NARS2: variants seen among roughly 807,000 people sequenced by gnomAD.
NARS2 encodes the protein asparaginyl-tRNA synthetase.
Under a neutral mutation model 62.9 loss-of-function variants are expected in NARS2, and 60 were observed. The ratio of observed to expected loss-of-function variants is 0.95; its 90% confidence interval spans 0.77 to 1.18. The LOEUF (loss-of-function observed/expected upper bound fraction) is 1.18, where lower values mean the gene tolerates loss of function less well. Ranked by LOEUF, NARS2 falls within the 50% of genes most tolerant of loss-of-function variation. The probability of loss-of-function intolerance (pLI) is 0.00; values close to 1 mark genes in which losing one functional copy is unlikely to be tolerated. For synonymous variants in NARS2, 196 were observed against 200.0 expected (o/e 0.98, Z 0.17); for missense variants, 619 against 576.4 (o/e 1.07, Z -0.76).
intron 10 of NARS2, among the ~76,000 whole-genome samples, chr11:78,467,827 A>G (rs1332166037): frequency 6.6e-6 from 1 of 152,024 alleles, no homozygotes; most frequent in Admixed American, 6.6e-5. Context: ...CATGTCGTAT[A>G]CCCTGAATAT....
intron 5 of NARS2, among the ~76,000 whole-genome samples, chr11:78,531,036 A>T (rs1426106295): frequency 6.6e-6 from 1 of 152,176 alleles, no homozygotes; most frequent in African/African-American, 2.4e-5. Flanking sequence ...GAGGGTATAT[A>T]AAATATTGGT....
At chr11:78,540,804 C>G (rs1361834061) in intron 5 of NARS2, among the ~76,000 whole-genome samples, 1 of 152,032 alleles carries the variant, frequency 6.6e-6, no homozygotes, top group African/African-American at 2.4e-5. Flanking sequence ...TTTCTTGATC[C>G]CAATTAAGAG....
intron 9 of NARS2, among the ~76,000 whole-genome samples, chr11:78,474,698 G>T (rs369298230): frequency 1.8e-4 from 28 of 152,258 alleles, no homozygotes; most frequent in Middle Eastern, 3.4e-3. Flanking sequence ...AGTCCTGGGG[G>T]TATAAGAGTA....
chr11:78,543,309 T>C (rs577346212), intron 5 of NARS2, among the ~76,000 whole-genome samples: 45 of 152,384 alleles, frequency 3.0e-4, no homozygotes, highest in African/African-American at 1.0e-3. Context: ...AACAATGCCA[T>C]GGAATGCTTC....
chr11:78,474,065 C>T (rs914225840), intron 9 of NARS2, among the ~76,000 whole-genome samples: 14 of 152,204 alleles, frequency 9.2e-5, no homozygotes, highest in African/African-American at 2.9e-4. Context: ...CCTGGAACTT[C>T]TCCTACTTTC....
Position 78,574,371 on chromosome 11 carries a change from T to C in NARS2, c.118A>G (p.Ser40Gly). ...VRDALGAQNASGERIKIQGWI... is the reference protein window; with the variant it reads ...VRDALGAQNAGGERIKIQGWI... ...ACCTGGATCTTAATGCGCTCCCCAC[T>C]CGCGTTCTGAGCCCCGAGAGCGTCC... The change falls in exon 1 of 14, where the codon AGT (serine) becomes GGT (glycine). Residue 40 changes from serine (S) to glycine (G), a missense_variant. Transcript: ENST00000281038. The C allele has an allele frequency of 6.2e-7, 1 of 1,614,192 alleles. No homozygotes were observed. The highest frequency in any genetic ancestry group is 1.6e-4 in the Middle Eastern group (1 of 6,062).
Position 78,535,501 on chromosome 11 carries a change from ACTT to A in NARS2, c.595-6568_595-6566del, listed in dbSNP as rs147879521. Reference sequence around the variant, plus strand: ...AAAATACTTTATCTCATTGTCTCACACTTCTTATTTATTTTTGTCATTATTGTG... The same window carrying A: ...AAAATACTTTATCTCATTGTCTCACACTTATTTATTTTTGTCATTATTGTG... On this transcript the variant is annotated intron_variant, in intron 5 of 13. Transcript: ENST00000281038. 8.8e-3 allele frequency among the ~76,000 whole-genome samples: 1,342 copies of A among 152,308 alleles called. 28 individuals carry two copies. The highest frequency in any genetic ancestry group is 0.031 in the African/African-American group (1,281 of 41,564).
At chr11:78,446,489 T>A (rs996419517) in intron 11 of NARS2, among the ~76,000 whole-genome samples, 3 of 152,202 alleles carry the variant, frequency 2.0e-5, no homozygotes, top group Admixed American at 6.5e-5. Flanking sequence ...TAAAATATGA[T>A]AGGAGTTGAG....
intron 11 of NARS2, among the ~76,000 whole-genome samples, chr11:78,454,188 T>A (rs73504929): frequency 0.019 from 2,926 of 152,330 alleles, 83 homozygotes; most frequent in African/African-American, 0.067. Context: ...CCTATGGGAA[T>A]GACTTGTGAC....
Position 78,574,359 on chromosome 11 carries a change from T to C in NARS2, c.130A>G (p.Ile44Val). 1 of 1,614,188 alleles carries C rather than the reference T, an allele frequency of 6.2e-7. No individual in the cohort carries two copies. Among genetic ancestry groups the C allele is most frequent in the Non-Finnish European group, 8.5e-7 (1 of 1,180,026 alleles). Residue 44 changes from isoleucine (I) to valine (V), a missense_variant, in exon 1 of 14, where the codon ATT (isoleucine) becomes GTT (valine). Ile to Val is a conservative substitution (Grantham distance 29). Coordinates refer to ENST00000281038, the MANE Select transcript of NARS2 (RefSeq NM_024678.6). ...TCCCATTCACCAACCTGGATCTTAA[T>C]GCGCTCCCCACTCGCGTTCTGAGCC... ...LGAQNASGER[I>V]KIQGWIRSVR...
intron 6 of NARS2, among the ~76,000 whole-genome samples, chr11:78,511,138 T>C (rs1271851915): frequency 6.6e-6 from 1 of 152,214 alleles, no homozygotes; most frequent in Non-Finnish European, 1.5e-5. Flanking sequence ...AGTGAAGTGA[T>C]ACAATCATGG....
At chr11:78,521,034 G>A (rs1268547365) in intron 6 of NARS2, among the ~76,000 whole-genome samples, 2 of 149,550 alleles carry the variant, frequency 1.3e-5, no homozygotes, top group East Asian at 3.9e-4. Flanking sequence ...ACTCCAGCCT[G>A]GGCGACAGAG....
Position 78,488,607 on chromosome 11 carries a change from C to G in NARS2, c.822+4456G>C, listed in dbSNP as rs111831883. The stretch of plus-strand genomic sequence containing the variant: ...ATAAATTCGAGTTGTTTTAACCCAC[C>G]AGGTTTGTGGTGACGTGTTATAGCA... On this transcript the variant is annotated intron_variant, in intron 7 of 13. Transcript: ENST00000281038. 4.5e-3 allele frequency among the ~76,000 whole-genome samples: 690 copies of G among 152,208 alleles called. 6 individuals are homozygous for G. Among genetic ancestry groups the G allele is most frequent in the Non-Finnish European group, 7.6e-3 (519 of 68,012 alleles).
At chr11:78,563,088 T>C (rs1452996092) in intron 4 of NARS2, among the ~76,000 whole-genome samples, 1 of 152,126 alleles carries the variant, frequency 6.6e-6, no homozygotes, top group Non-Finnish European at 1.5e-5. Context: ...TAAAGGTAGG[T>C]AACAGAATTA....
chr11:78,552,657 C>G (rs1188375746), intron 5 of NARS2, among the ~76,000 whole-genome samples: 1 of 152,192 alleles, frequency 6.6e-6, no homozygotes, highest in African/African-American at 2.4e-5. Context: ...AAGAATGCAA[C>G]CACTAGTCTC....
chr11:78,516,898 T>A (rs994100242), intron 6 of NARS2, among the ~76,000 whole-genome samples: 1 of 152,152 alleles, frequency 6.6e-6, no homozygotes, highest in African/African-American at 2.4e-5. Flanking sequence ...AAACCAACGA[T>A]TCCATGTTAC....
chr11:78,560,622 GGGACCTCCCGAATAT>G (rs1404463948), intron 4 of NARS2, among the ~76,000 whole-genome samples: 1 of 150,776 alleles, frequency 6.6e-6, no homozygotes, highest in Non-Finnish European at 1.5e-5. Flanking sequence ...TGCATTACTA[GGGACCTCCCGAATAT>G]GATCCTTCTC....
chr11:78,511,812 C>T (rs1242447059), intron 6 of NARS2, among the ~76,000 whole-genome samples: 1 of 151,646 alleles, frequency 6.6e-6, no homozygotes, highest in South Asian at 2.1e-4. Flanking sequence ...ATAAAGTATA[C>T]CTCAATAAAG....
intron 6 of NARS2, among the ~76,000 whole-genome samples, chr11:78,514,706 C>T (rs1860840678): frequency 1.3e-5 from 2 of 152,090 alleles, no homozygotes; most frequent in Non-Finnish European, 1.5e-5. Context: ...GGAGAAAAGG[C>T]AGGTTAGTAT....
Sources: allele counts gnomAD v4.1 joint callset (sites outside exome capture counted in the v4.1 genomes callset), GRCh38; gene constraint gnomAD v4.1.1; transcripts MANE v1.5; gene names NCBI Gene and HGNC (gene_info 2026-07-23, HGNC 2026-07-21).